VPS13D: variants seen among roughly 807,000 people sequenced by gnomAD.
VPS13D encodes intermembrane lipid transfer protein VPS13D.
Under a neutral mutation model 461.9 loss-of-function variants are expected in VPS13D, and 187 were observed. The ratio of observed to expected loss-of-function variants is 0.40; its 90% CI spans 0.36 to 0.46. The LOEUF (loss-of-function observed/expected upper bound fraction) is 0.46. VPS13D is among the 20% of genes least tolerant of loss of function. VPS13D has a pLI of 0.60. For synonymous variants in VPS13D, 1,951 were observed against 1,986.3 expected (o/e 0.98, Z 0.47); for missense variants, 4,711 against 5,364.9 (o/e 0.88, Z 3.81).
At chr1:12,253,612 C>A in intron 6 of VPS13D, 110 bp from the exon 7 acceptor site, 1 of 823,198 alleles carries the variant, frequency 1.2e-6, no homozygotes, top group Non-Finnish European at 2.0e-6. Context: ...ATGTCCACAG[C>A]ACCTTGCAAA....
rs920398019 is a variant in VPS13D, at chr1:12,323,944, C to T, written c.7990+164C>T. Reference sequence around the variant, plus strand: ...TATCATCTTAGGTCAGTAATAATAACGTCACCCAGGCTGGAGTGCAGTGGC... The same window carrying T: ...TATCATCTTAGGTCAGTAATAATAATGTCACCCAGGCTGGAGTGCAGTGGC... On this transcript the variant is annotated intron_variant, in intron 35 of 69. Transcript: ENST00000620676. Among the ~76,000 whole-genome samples the T allele has an allele frequency of 2.6e-5, 4 of 152,158 alleles. No homozygotes were observed. In the South Asian group the frequency reaches 6.2e-4, roughly 24 times the overall value.
At chr1:12,321,759 C>A in intron 32 of VPS13D, 50 bp from the exon 33 acceptor site, 1 of 1,555,864 alleles carries the variant, frequency 6.4e-7, no homozygotes. Context: ...GTAGTTGGAC[C>A]CTTCCTAAAT....
intron 57 of VPS13D, among the ~76,000 whole-genome samples, chr1:12,382,268 A>C (rs1220215515): frequency 6.6e-6 from 1 of 151,754 alleles, no homozygotes; most frequent in Admixed American, 6.6e-5. Flanking sequence ...TGCCTGGCTA[A>C]TTTTTGTATT....
chr1:12,297,437 A>C (rs1414916516), intron 24 of VPS13D, among the ~76,000 whole-genome samples: 3 of 152,190 alleles, frequency 2.0e-5, no homozygotes, highest in Non-Finnish European at 2.9e-5. Flanking sequence ...TGGTATAGTA[A>C]AGTAATGCTG....
chr1:12,427,242 T>TTATTA (rs1644934905), intron 65 of VPS13D, among the ~76,000 whole-genome samples: 185 of 128,776 alleles, frequency 1.4e-3, no homozygotes, highest in East Asian at 0.011. Flanking sequence ...TTGTCATTAT[T>TTATTA]TTATTATTAT....
rs3737608 is a variant in VPS13D, at chr1:12,400,403, C to T, written c.11784+73C>T. 4.5e-6 allele frequency: 7 copies of T among 1,562,568 alleles called. No individual in the cohort carries two copies. In the Admixed American group the frequency reaches 5.5e-5, roughly 12 times the overall value. ...GATTTGTTCTCTCACAGCCAAGTCT[C>T]AGAGCAGCAGTGCCGGGTGCTGATG... is the stretch of plus-strand genomic sequence containing the variant. On this transcript the variant is annotated intron_variant, in intron 61 of 69. Transcript: ENST00000620676.
rs771594123 is a variant in VPS13D at position 12,244,337 on chromosome 1, A to G, written c.267A>G (p.Gly89=). 1 of 1,614,164 alleles carries G rather than the reference A, an allele frequency of 6.2e-7. No individual in the cohort carries two copies. Among genetic ancestry groups the G allele is most frequent in the Non-Finnish European group, 8.5e-7 (1 of 1,180,046 alleles). The change falls in exon 4 of 70, where the codon GGA becomes GGG. Residue 89 remains glycine (G), a synonymous_variant. Transcript: ENST00000620676. The part of the protein sequence containing the change: ...VISISSLHLI[G]APEKIQDFND... ...CCATCTCCAGCCTTCACTTAATTGG[A>G]GCCCCAGAGAAAATACAGGATTTCA... is the stretch of plus-strand genomic sequence containing the variant.
intron 1 of VPS13D, among the ~76,000 whole-genome samples, chr1:12,231,467 G>C (rs1044133282): frequency 1.3e-5 from 2 of 152,132 alleles, no homozygotes; most frequent in Non-Finnish European, 2.9e-5. Flanking sequence ...TTCCGTTTAG[G>C]GCAAGTAGGG....
chr1:12,275,688 T>C (rs1406308807), intron 18 of VPS13D, 137 bp from the exon 19 acceptor site: 2 of 795,692 alleles, frequency 2.5e-6, no homozygotes, highest in Non-Finnish European at 1.8e-6. Flanking sequence ...AACAAAGATA[T>C]TATGCTTAAG....
At position 12,314,271 on chromosome 1, in the gene VPS13D, G is replaced by A; in HGVS notation, c.7092G>A (p.Gln2364=). The A allele has an allele frequency of 1.2e-6, 2 of 1,614,176 alleles. No individual in the cohort carries two copies. The change falls in exon 30 of 70, where the codon CAG becomes CAA. Residue 2364 remains glutamine (Q), a synonymous_variant. Transcript: ENST00000620676. ...CGAATGTGTTCAGCTGTATCTTTCA[G>A]CCCGCTAAGAACAGCAGCACCACCC... is the stretch of plus-strand genomic sequence containing the variant. The part of the protein sequence containing the change: ...GMTNVFSCIF[Q]PAKNSSTTQG...
At chr1:12,263,147 AT>A in intron 13 of VPS13D, among the ~76,000 whole-genome samples, 1 of 152,096 alleles carries the variant, frequency 6.6e-6, no homozygotes, top group African/African-American at 2.4e-5. Flanking sequence ...TAATACTCAT[AT>A]TTTTTTTGTA....
At chr1:12,246,873 A>G (rs1316005948) in intron 5 of VPS13D, among the ~76,000 whole-genome samples, 1 of 152,192 alleles carries the variant, frequency 6.6e-6, no homozygotes, top group Non-Finnish European at 1.5e-5. Flanking sequence ...TTGTTTATTC[A>G]TTCATGAGTT....
intron 2 of VPS13D, among the ~76,000 whole-genome samples, chr1:12,240,964 G>A (rs1288535858): frequency 6.6e-6 from 1 of 152,030 alleles, no homozygotes; most frequent in Non-Finnish European, 1.5e-5. Flanking sequence ...TTTAGAGATG[G>A]GGTCTAGCTT....
chr1:12,341,327 C>T (rs1643562992), intron 40 of VPS13D, among the ~76,000 whole-genome samples: 1 of 152,130 alleles, frequency 6.6e-6, no homozygotes, highest in Non-Finnish European at 1.5e-5. Flanking sequence ...TATTTTGTTA[C>T]AAAATGCATA....
At chr1:12,378,900 T>C (rs762695355) in intron 56 of VPS13D, among the ~76,000 whole-genome samples, 67 of 152,340 alleles carry the variant, frequency 4.4e-4, no homozygotes, top group Non-Finnish European at 8.7e-4. Context: ...CTTTTTTACA[T>C]CTTCCTAATA....
At chr1:12,252,569 C>G (rs1640769643) in intron 6 of VPS13D, among the ~76,000 whole-genome samples, 1 of 151,872 alleles carries the variant, frequency 6.6e-6, no homozygotes, top group Admixed American at 6.6e-5. Context: ...TTCAGGAGTT[C>G]AAGACCAGTC....
intron 65 of VPS13D, among the ~76,000 whole-genome samples, chr1:12,419,109 G>A (rs1042860987): frequency 6.6e-6 from 1 of 152,282 alleles, no homozygotes; most frequent in South Asian, 2.1e-4. Context: ...GAAAGAAAGG[G>A]CAGTGTCCTC....
chr1:12,412,547 T>A (rs1293436961), intron 63 of VPS13D, among the ~76,000 whole-genome samples: 1 of 152,212 alleles, frequency 6.6e-6, no homozygotes, highest in Non-Finnish European at 1.5e-5. Context: ...ACTGCGGTAG[T>A]GGAACGGATG....
chr1:12,291,238 T>G, intron 23 of VPS13D, 114 bp downstream of exon 23: 1 of 1,173,058 alleles, frequency 8.5e-7, no homozygotes, highest in Non-Finnish European at 1.2e-6. Flanking sequence ...TTCTTAGAGG[T>G]GAAATTGAGA....
Sources: allele counts gnomAD v4.1 joint callset (sites outside exome capture counted in the v4.1 genomes callset), GRCh38; gene constraint gnomAD v4.1.1; transcripts MANE v1.5; gene names NCBI Gene and HGNC (gene_info 2026-07-23, HGNC 2026-07-21).